The following WLS variants were observed in gnomAD, a reference collection of about 807,000 sequenced individuals.
WLS encodes protein wntless homolog.
In WLS, 23 loss-of-function variants were observed where a neutral mutation model predicts 62.8. The ratio of observed to expected loss-of-function variants is 0.37; its 90% confidence interval spans 0.26 to 0.52. The LOEUF (loss-of-function observed/expected upper bound fraction) is 0.52. Ranked by LOEUF, WLS falls within the 20% of genes least tolerant of loss-of-function variation. The probability of loss-of-function intolerance (pLI) is 0.92; values close to 1 mark genes in which losing one functional copy is unlikely to be tolerated. For synonymous variants in WLS, 246 were observed against 244.1 expected (o/e 1.01, Z -0.07); for missense variants, 615 against 697.3 (o/e 0.88, Z 1.33).
intron 9 of WLS, among the ~76,000 whole-genome samples, 182 bp downstream of exon 9, chr1:68,145,687 G>C (rs1646743578): frequency 6.6e-6 from 1 of 152,062 alleles, no homozygotes; most frequent in South Asian, 2.1e-4. Context: ...CAAGATTTAG[G>C]CCAGCTAGAT....
intron 2 of WLS, among the ~76,000 whole-genome samples, chr1:68,164,041 T>C (rs1647025538): frequency 6.6e-6 from 1 of 152,164 alleles, no homozygotes; most frequent in Non-Finnish European, 1.5e-5. Flanking sequence ...GAAGAAGGAA[T>C]TTGAGGCCAT....
Position 68,125,600 on chromosome 1 carries a change from T to C in WLS, c.*626A>G. ...ATCCAACAGATTGGTTAGTATTAGA[T>C]ACACAGATTTGGTTTCAAAGCTGAA... On this transcript the variant is annotated 3_prime_UTR_variant, in exon 12 of 12. Transcript: ENST00000262348. 1 of 985,538 alleles carries C rather than the reference T, an allele frequency of 1.0e-6. No individual in the cohort carries two copies. Among genetic ancestry groups the C allele is most frequent in the Non-Finnish European group, 1.2e-6 (1 of 829,992 alleles). 61.0% of individuals were successfully genotyped at this position (985,538 alleles called of 1,614,324 possible). A position where few individuals can be genotyped will look rare whatever the true frequency, so the allele number is the denominator to read the frequency against.
intron 1 of WLS, among the ~76,000 whole-genome samples, chr1:68,203,798 T>C (rs1390200753): frequency 6.6e-6 from 1 of 152,170 alleles, no homozygotes; most frequent in African/African-American, 2.4e-5. Flanking sequence ...GAATTACTTA[T>C]AATTCAGGTA....
rs541353520 is a variant in WLS, at chr1:68,146,726, G to T, written c.1135-714C>A. Among the ~76,000 whole-genome samples the T allele has an allele frequency of 5.9e-5, 9 of 152,300 alleles. No homozygotes were observed. In the East Asian group the frequency reaches 1.5e-3, roughly 26 times the overall value. On this transcript the variant is annotated intron_variant, in intron 8 of 11. Transcript: ENST00000262348. ...TGGGGATTCAAGGACACATGGCACA[G>T]GTGGGAGTCTGGGTTGCTGCCAGTA...
chr1:68,128,707 C>A (rs1317994870), intron 11 of WLS, among the ~76,000 whole-genome samples: 4 of 152,142 alleles, frequency 2.6e-5, no homozygotes, highest in Admixed American at 2.0e-4. Flanking sequence ...TAAATGGATA[C>A]CTATGTCATA....
chr1:68,157,922 T>C (rs1468582754), intron 3 of WLS, among the ~76,000 whole-genome samples: 1 of 152,230 alleles, frequency 6.6e-6, no homozygotes, highest in Non-Finnish European at 1.5e-5. Flanking sequence ...ATTTCAAAGA[T>C]GCAGTCAACT....
chr1:68,185,035 G>C (rs1438114379), intron 2 of WLS, among the ~76,000 whole-genome samples: 1 of 152,088 alleles, frequency 6.6e-6, no homozygotes, highest in African/African-American at 2.4e-5. Flanking sequence ...GAAGGAGCGG[G>C]GCACAGAGTC....
intron 1 of WLS, among the ~76,000 whole-genome samples, chr1:68,223,768 T>G (rs541682759): frequency 1.2e-4 from 18 of 152,280 alleles, no homozygotes; most frequent in Admixed American, 1.2e-3. Context: ...ATTTTATGAC[T>G]TTTTTGGGAT....
At chr1:68,229,577 T>A (rs1650318949) in intron 1 of WLS, among the ~76,000 whole-genome samples, 1 of 152,250 alleles carries the variant, frequency 6.6e-6, no homozygotes, top group South Asian at 2.1e-4. Flanking sequence ...TGTCTCCGCT[T>A]GCCCACTTTG....
intron 1 of WLS, among the ~76,000 whole-genome samples, chr1:68,196,181 T>C (rs1648649983): frequency 6.6e-6 from 1 of 151,696 alleles, no homozygotes; most frequent in Non-Finnish European, 1.5e-5. Context: ...AATAAATTAA[T>C]GTGGACAGAA....
intron 5 of WLS, among the ~76,000 whole-genome samples, chr1:68,151,573 G>T (rs576365980): frequency 2.0e-5 from 3 of 151,926 alleles, no homozygotes; most frequent in African/African-American, 7.2e-5. Context: ...GGGAGTACAA[G>T]AAAAAGATAA....
At chr1:68,181,507 T>G (rs1417438702) in intron 2 of WLS, among the ~76,000 whole-genome samples, 1 of 152,218 alleles carries the variant, frequency 6.6e-6, no homozygotes, top group East Asian at 1.9e-4. Flanking sequence ...CTTCATTCCC[T>G]GAAATACTGA....
Position 68,125,829 on chromosome 1 carries a change from C to G in WLS, c.*397G>C. 2.0e-6 allele frequency: 2 copies of G among 1,010,452 alleles called. No individual in the cohort carries two copies. Among genetic ancestry groups the G allele is most frequent in the Non-Finnish European group, 2.4e-6 (2 of 845,428 alleles). 62.6% of individuals were successfully genotyped at this position (1,010,452 alleles called of 1,614,324 possible). ...CTGGGACCGCAAAGGATGTTAAAAT[C>G]TATCCTAGAATTTAAAACAGGAAAA... On this transcript the variant is annotated 3_prime_UTR_variant, in exon 12 of 12. Transcript: ENST00000262348.
At chr1:68,148,707 C>G (rs1341440876) in intron 6 of WLS, 47 bp from the exon 7 acceptor site, 2 of 1,576,122 alleles carry the variant, frequency 1.3e-6, no homozygotes, top group South Asian at 2.3e-5. Context: ...AGAGGAAGAC[C>G]AAGCAATTCT....
intron 2 of WLS, among the ~76,000 whole-genome samples, chr1:68,166,265 A>G (rs1387852161): frequency 6.6e-6 from 1 of 152,250 alleles, no homozygotes; most frequent in Admixed American, 6.5e-5. Context: ...CCTTAAAATA[A>G]AATCACTTTT....
chr1:68,204,564 C>T (rs935054920), intron 1 of WLS, among the ~76,000 whole-genome samples: 1 of 152,134 alleles, frequency 6.6e-6, no homozygotes, highest in Non-Finnish European at 1.5e-5. Flanking sequence ...GCCTGGGCCT[C>T]CCAAAGTGCT....
intron 11 of WLS, among the ~76,000 whole-genome samples, chr1:68,118,875 CAA>C (rs33982774): frequency 0.015 from 393 of 26,298 alleles, 3 homozygotes; most frequent in African/African-American, 0.047. Flanking sequence ...GACTCTGTCT[CAA>C]AAAAAAAAAA....
At chr1:68,168,562 G>C (rs1647097183) in intron 2 of WLS, among the ~76,000 whole-genome samples, 1 of 152,200 alleles carries the variant, frequency 6.6e-6, no homozygotes, top group African/African-American at 2.4e-5. Flanking sequence ...GAGAGGACAA[G>C]ATATATTAGA....
At chr1:68,108,873 A>G (rs1240905106) in intron 11 of WLS, among the ~76,000 whole-genome samples, 1 of 151,342 alleles carries the variant, frequency 6.6e-6, no homozygotes, top group Non-Finnish European at 1.5e-5. Context: ...CAAAAAATAT[A>G]TATATGAGGG....
Sources: allele counts gnomAD v4.1 joint callset (sites outside exome capture counted in the v4.1 genomes callset), GRCh38; gene constraint gnomAD v4.1.1; transcripts MANE v1.5; gene names NCBI Gene and HGNC (gene_info 2026-07-23, HGNC 2026-07-21).